PTPRD: variants seen among roughly 807,000 people sequenced by gnomAD.
PTPRD encodes receptor-type tyrosine-protein phosphatase delta.
In PTPRD, 34 loss-of-function variants were observed where a neutral mutation model predicts 214.5. That is an observed-to-expected ratio of 0.16 (90% CI 0.12 to 0.21). The LOEUF is 0.21. Among genes scored for constraint, PTPRD ranks in the 10% least tolerant of loss-of-function variants. The probability of loss-of-function intolerance (pLI) is 1.00; values close to 1 mark genes in which losing one functional copy is unlikely to be tolerated. For synonymous variants in PTPRD, 1,128 were observed against 845.7 expected (o/e 1.33, Z -5.79); for missense variants, 2,545 against 2,398.7 (o/e 1.06, Z -1.27).
At chr9:8,581,415 A>G (rs1315535343) in intron 14 of PTPRD, among the ~76,000 whole-genome samples, 1 of 152,188 alleles carries the variant, frequency 6.6e-6, no homozygotes, top group African/African-American at 2.4e-5. Context: ...TGATCACAAA[A>G]AAGAGGGAAA....
In PTPRD at chr9:8,929,731, G is replaced by GTGTATATATATGTGTATATATATA. The variant is rs1567060391; in HGVS notation, c.-104+88942_-104+88965dup. 4.7e-3 allele frequency among the ~76,000 whole-genome samples: 530 copies of GTGTATATATATGTGTATATATATA among 112,544 alleles called. 15 individuals carry two copies. Among genetic ancestry groups the GTGTATATATATGTGTATATATATA allele is most frequent in the African/African-American group, 0.02 (490 of 24,680 alleles). The allele number at this position is 112,544 out of a possible 152,430, so 73.8% of individuals were successfully genotyped here. A position where few individuals can be genotyped will look rare whatever the true frequency, so the allele number is the denominator to read the frequency against. On this transcript the variant is annotated intron_variant, in intron 11 of 45. Coordinates refer to ENST00000381196, the MANE Select transcript of PTPRD (RefSeq NM_002839.4). The stretch of plus-strand genomic sequence containing the variant: ...TATATATATATGTGTATATATATAT[G>GTGTATATATATGTGTATATATATA]TGTATATATATGTGTATATATATAT...
At chr9:9,730,366 C>T (rs1934268) in intron 7 of PTPRD, among the ~76,000 whole-genome samples, 131,289 of 152,034 alleles carry the variant, frequency 0.86, 56,957 homozygotes, top group African/African-American at 0.94. Context: ...ATCATCATTG[C>T]GTGACTGCAG....
chr9:8,986,907 T>C (rs2099347608), intron 11 of PTPRD, among the ~76,000 whole-genome samples: 1 of 152,108 alleles, frequency 6.6e-6, no homozygotes, highest in Admixed American at 6.6e-5. Context: ...ACTTTAACAA[T>C]TGTCTGTCTC....
At chr9:9,993,687 A>T (rs138069961) in intron 4 of PTPRD, among the ~76,000 whole-genome samples, 5 of 152,164 alleles carry the variant, frequency 3.3e-5, no homozygotes, top group South Asian at 4.1e-4. Flanking sequence ...ATATAACAAG[A>T]GTGATATTTA....
At chr9:10,147,032 G>T (rs544575989) in intron 3 of PTPRD, among the ~76,000 whole-genome samples, 1 of 151,994 alleles carries the variant, frequency 6.6e-6, no homozygotes, top group African/African-American at 2.4e-5. Context: ...ATTCTACCCC[G>T]TGCCAAAATG....
intron 5 of PTPRD, among the ~76,000 whole-genome samples, chr9:9,830,987 G>A (rs1235058799): frequency 6.6e-6 from 1 of 151,850 alleles, no homozygotes; most frequent in East Asian, 1.9e-4. Flanking sequence ...CATTAGGATT[G>A]GAGACAGGGA....
chr9:9,318,659 T>A (rs534224609), intron 9 of PTPRD, among the ~76,000 whole-genome samples: 1 of 152,210 alleles, frequency 6.6e-6, no homozygotes, highest in Admixed American at 6.5e-5. Context: ...AATTTCAGGA[T>A]TTGATAAAAG....
chr9:8,716,353 G>C (rs1001959328), intron 12 of PTPRD, among the ~76,000 whole-genome samples: 1 of 152,156 alleles, frequency 6.6e-6, no homozygotes, highest in Non-Finnish European at 1.5e-5. Flanking sequence ...CTTCAAATGT[G>C]TCCTTCTGCT....
intron 2 of PTPRD, among the ~76,000 whole-genome samples, chr9:10,427,955 C>A (rs10959102): frequency 0.075 from 11,333 of 152,100 alleles, 969 homozygotes; most frequent in East Asian, 0.47. Flanking sequence ...TCCACAGTTG[C>A]ATGCATGTTT....
At chr9:8,718,555 C>G (rs766198623) in intron 12 of PTPRD, among the ~76,000 whole-genome samples, 2 of 152,138 alleles carry the variant, frequency 1.3e-5, no homozygotes, top group Non-Finnish European at 2.9e-5. Flanking sequence ...CACTCTTTCC[C>G]CTGAGAGTTT....
Position 9,701,732 on chromosome 9 carries a change from G to T in PTPRD, c.-287+32801C>A, listed in dbSNP as rs183278778. Reference sequence around the variant, plus strand: ...AAAAAATTCCTTTTCAAATGAGAAGGATGAATATGCTATTAATACAATTTG... The same window carrying T: ...AAAAAATTCCTTTTCAAATGAGAAGTATGAATATGCTATTAATACAATTTG... On this transcript the variant is annotated intron_variant, in intron 7 of 45. Transcript: ENST00000381196. 2.7e-3 allele frequency among the ~76,000 whole-genome samples: 410 copies of T among 152,230 alleles called. 3 individuals carry two copies. The highest frequency in any genetic ancestry group is 4.7e-3 in the Non-Finnish European group (322 of 68,020).
intron 2 of PTPRD, among the ~76,000 whole-genome samples, chr9:10,401,289 G>A (rs1446857064): frequency 6.6e-6 from 1 of 151,366 alleles, no homozygotes; most frequent in African/African-American, 2.4e-5. Flanking sequence ...AATTTTTCAA[G>A]GACAGGAGCT....
intron 10 of PTPRD, among the ~76,000 whole-genome samples, chr9:9,146,858 C>T (rs940377461): frequency 6.6e-6 from 1 of 152,122 alleles, no homozygotes; most frequent in South Asian, 2.1e-4. Context: ...ACCATTTCTA[C>T]TAGTGCTTAC....
Position 10,033,408 on chromosome 9 carries a change from A to G in PTPRD, c.-472+310T>C, listed in dbSNP as rs993005321. Reference sequence around the variant, plus strand: ...GCTATTGCTTGTGAGCCAAGGTGTCAATATATATAATATTCTAAAAATTAG... The same window carrying G: ...GCTATTGCTTGTGAGCCAAGGTGTCGATATATATAATATTCTAAAAATTAG... On this transcript the variant is annotated intron_variant, in intron 4 of 45. Transcript: ENST00000381196. Among the ~76,000 whole-genome samples the G allele has an allele frequency of 2.0e-5, 3 of 151,748 alleles. No individual in the cohort carries two copies. In the South Asian group the frequency reaches 6.2e-4, roughly 32 times the overall value.
intron 22 of PTPRD, among the ~76,000 whole-genome samples, chr9:8,506,931 T>C (rs142106047): frequency 6.6e-6 from 1 of 152,172 alleles, no homozygotes; most frequent in African/African-American, 2.4e-5. Context: ...TAGTCACCTG[T>C]CCCCACAGTG....
chr9:10,152,946 A>G (rs1049876769), intron 3 of PTPRD, among the ~76,000 whole-genome samples: 9 of 152,194 alleles, frequency 5.9e-5, no homozygotes, highest in African/African-American at 1.7e-4. Context: ...ATGAGCTCAC[A>G]TATCTGTGGA....
intron 7 of PTPRD, among the ~76,000 whole-genome samples, chr9:9,608,018 A>C (rs1383785473): frequency 6.6e-6 from 1 of 152,226 alleles, no homozygotes; most frequent in Non-Finnish European, 1.5e-5. Context: ...GATTAGAATC[A>C]GACTCCACTG....
chr9:8,336,678 A>G (rs1197279475), intron 43 of PTPRD, among the ~76,000 whole-genome samples: 1 of 151,996 alleles, frequency 6.6e-6, no homozygotes, highest in East Asian at 1.9e-4. Flanking sequence ...AACCTACAGA[A>G]TGGGAGGAAA....
intron 12 of PTPRD, among the ~76,000 whole-genome samples, chr9:8,673,899 C>CA (rs1461560793): frequency 6.6e-6 from 1 of 152,120 alleles, no homozygotes; most frequent in Admixed American, 6.6e-5. Flanking sequence ...GCACCCCTGA[C>CA]ACCCACCCAG....
Sources: gnomAD v4.1 joint callset for allele counts (sites outside exome capture counted in the v4.1 genomes callset) on GRCh38, gnomAD v4.1.1 for gene constraint, MANE v1.5 for transcripts, NCBI Gene and HGNC (gene_info 2026-07-23, HGNC 2026-07-21) for gene names.